The following RALYL variants were observed in gnomAD, a reference collection of about 807,000 sequenced individuals.
The protein encoded by RALYL is RALY RNA binding protein like.
A neutral mutation model predicts 35.1 loss-of-function variants in RALYL; 29 were observed. The observed-to-expected ratio is 0.83, with a 90% CI of 0.61 to 1.13. The LOEUF (loss-of-function observed/expected upper bound fraction) is 1.13. Among genes scored for constraint, RALYL ranks in the 50% most tolerant of loss-of-function variants. RALYL has a pLI of 0.00. For missense variants in RALYL, 359 were observed against 360.4 expected (o/e 1.00, Z 0.03); for synonymous variants, 120 against 127.6 (o/e 0.94, Z 0.40).
chr8:84,192,090 T>C (rs553715986), intron 1 of RALYL, among the ~76,000 whole-genome samples: 11 of 152,336 alleles, frequency 7.2e-5, no homozygotes, highest in African/African-American at 2.4e-4. Flanking sequence ...AACCTGACAC[T>C]ATGAGCCTCC....
chr8:84,263,544 G>C (rs1355517479), intron 1 of RALYL, among the ~76,000 whole-genome samples: 2 of 152,090 alleles, frequency 1.3e-5, no homozygotes, highest in African/African-American at 4.8e-5. Context: ...ATCTGTAGTT[G>C]TTAACCAAAG....
chr8:84,438,867 A>G (rs879937561), intron 1 of RALYL, among the ~76,000 whole-genome samples: 1 of 151,890 alleles, frequency 6.6e-6, no homozygotes, highest in Non-Finnish European at 1.5e-5. Context: ...TGTTTTTGTC[A>G]GTTTCGTCAA....
At chr8:84,579,443 T>A (rs1251341726) in intron 2 of RALYL, among the ~76,000 whole-genome samples, 1 of 152,176 alleles carries the variant, frequency 6.6e-6, no homozygotes, top group African/African-American at 2.4e-5. Context: ...CCAGCCCTAA[T>A]GACTTGGTAG....
intron 1 of RALYL, among the ~76,000 whole-genome samples, chr8:84,363,783 G>C (rs1369498992): frequency 1.3e-5 from 2 of 152,112 alleles, no homozygotes; most frequent in Non-Finnish European, 2.9e-5. Flanking sequence ...TCATCTCCCT[G>C]AACCCTGCAA....
At chr8:84,693,354 T>C (rs113741441) in intron 2 of RALYL, among the ~76,000 whole-genome samples, 7 of 151,982 alleles carry the variant, frequency 4.6e-5, no homozygotes, top group Non-Finnish European at 8.8e-5. Flanking sequence ...CTTCACATGA[T>C]GGCAGGAAGA....
intron 1 of RALYL, among the ~76,000 whole-genome samples, chr8:84,520,497 A>G (rs1274323844): frequency 1.3e-5 from 2 of 152,154 alleles, no homozygotes; most frequent in Non-Finnish European, 2.9e-5. Context: ...TCATCGGAAT[A>G]TTTTATGTGA....
At chr8:84,850,165 A>G (rs1408780520) in intron 5 of RALYL, 138 bp downstream of exon 5, 1 of 450,086 alleles carries the variant, frequency 2.2e-6, no homozygotes, top group Non-Finnish European at 3.9e-6. Flanking sequence ...CTAAATCCCA[A>G]CAAAATATAC....
Position 84,309,383 on chromosome 8 carries a change from G to T in RALYL, c.-24+124959G>T, listed in dbSNP as rs1291999248. On this transcript the variant is annotated intron_variant, in intron 1 of 8. Coordinates refer to ENST00000521268, the MANE Select transcript of RALYL (RefSeq NM_173848.7). ...TATAGAAAACATTGCTGTACTGAAG[G>T]TATACTAATAATGCACTGAAAAATA... Among the ~76,000 whole-genome samples, 5 of 151,470 alleles carry T rather than the reference G, an allele frequency of 3.3e-5. No homozygotes were observed. The South Asian group carries it at 6.3e-4, about 19-fold the overall frequency.
intron 1 of RALYL, among the ~76,000 whole-genome samples, chr8:84,300,717 G>A (rs1840612189): frequency 6.6e-6 from 1 of 151,908 alleles, no homozygotes; most frequent in South Asian, 2.1e-4. Context: ...TTGAAAGTCT[G>A]TTTTGTTTGA....
intron 3 of RALYL, among the ~76,000 whole-genome samples, chr8:84,801,771 T>C (rs1823337291): frequency 6.6e-6 from 1 of 152,166 alleles, no homozygotes; most frequent in African/African-American, 2.4e-5. Flanking sequence ...CATGGAAAAC[T>C]GGTGAGGGCA....
intron 2 of RALYL, among the ~76,000 whole-genome samples, chr8:84,662,712 T>C (rs1157648846): frequency 2.0e-5 from 3 of 152,170 alleles, no homozygotes; most frequent in Non-Finnish European, 4.4e-5. Flanking sequence ...GATCAAATTA[T>C]GGAAATGTAT....
intron 4 of RALYL, among the ~76,000 whole-genome samples, chr8:84,840,140 G>A (rs1372859181): frequency 6.6e-6 from 1 of 152,108 alleles, no homozygotes; most frequent in Non-Finnish European, 1.5e-5. Flanking sequence ...CGAGTTGAGA[G>A]AATAAGGCTT....
chr8:84,587,610 T>G (rs1564192572), intron 2 of RALYL, among the ~76,000 whole-genome samples: 1 of 152,178 alleles, frequency 6.6e-6, no homozygotes, highest in Non-Finnish European at 1.5e-5. Context: ...CCTCTTTTGA[T>G]TGAAAGCCAA....
chr8:84,862,506 T>C (rs1367355323), intron 6 of RALYL, 53 bp downstream of exon 6: 11 of 1,371,880 alleles, frequency 8.0e-6, no homozygotes, highest in African/African-American at 1.5e-5. Flanking sequence ...TGATTAACTA[T>C]CATTGCACGA....
intron 1 of RALYL, among the ~76,000 whole-genome samples, chr8:84,201,585 CAG>C (rs1274481769): frequency 6.7e-6 from 1 of 149,716 alleles, no homozygotes; most frequent in Non-Finnish European, 1.5e-5. Context: ...TTTTTCAAGA[CAG>C]AGTCTCACTG....
chr8:84,197,614 G>A (rs1815656049), intron 1 of RALYL, among the ~76,000 whole-genome samples: 1 of 152,034 alleles, frequency 6.6e-6, no homozygotes, highest in African/African-American at 2.4e-5. Context: ...AGCTCCAGAA[G>A]ATGAGACTAT....
intron 2 of RALYL, among the ~76,000 whole-genome samples, chr8:84,656,405 T>C (rs1371673329): frequency 6.6e-6 from 1 of 152,144 alleles, no homozygotes; most frequent in East Asian, 1.9e-4. Context: ...CTTAAATTAA[T>C]CCATAAAGAT....
At chr8:84,469,820 G>T (rs963920984) in intron 1 of RALYL, among the ~76,000 whole-genome samples, 16 of 152,158 alleles carry the variant, frequency 1.1e-4, no homozygotes, top group Non-Finnish European at 2.1e-4. Flanking sequence ...CTCCGAGCCA[G>T]GTGCGGGATA....
intron 2 of RALYL, among the ~76,000 whole-genome samples, chr8:84,742,693 C>T (rs924601326): frequency 1.3e-5 from 2 of 151,984 alleles, no homozygotes; most frequent in South Asian, 2.1e-4. Context: ...AGCAAAGAAA[C>T]GGAGGTATAA....
Sources: allele counts gnomAD v4.1 joint callset (sites outside exome capture counted in the v4.1 genomes callset), GRCh38; gene constraint gnomAD v4.1.1; transcripts MANE v1.5; gene names NCBI Gene and HGNC (gene_info 2026-07-23, HGNC 2026-07-21).